Variants in GRID2 observed in about 807,000 individuals in gnomAD.
GRID2 encodes the protein glutamate ionotropic receptor delta type subunit 2, also known as glutamate receptor ionotropic, delta-2.
GRID2 carries 33 observed loss-of-function variants against 114.8 expected under a neutral mutation model. That is an observed-to-expected ratio of 0.29 (90% CI 0.22 to 0.38). The LOEUF is 0.38. Among genes scored for constraint, GRID2 ranks in the 10% least tolerant of loss-of-function variants. The pLI, the probability that GRID2 is intolerant of heterozygous loss-of-function variation, is 1.00. For synonymous variants in GRID2, 505 were observed against 449.9 expected (o/e 1.12, Z -1.55); for missense variants, 1,184 against 1,257.7 (o/e 0.94, Z 0.89).
chr4:92,514,047 A>G (rs1219175428), intron 1 of GRID2, among the ~76,000 whole-genome samples: 6 of 151,856 alleles, frequency 4.0e-5, no homozygotes, highest in African/African-American at 1.4e-4. Context: ...AGGACCAACA[A>G]TGGGCAGGCA....
In GRID2 at chr4:92,580,890, G is replaced by GT. The variant is rs1553903037; in HGVS notation, c.89-9226dup. Among the ~76,000 whole-genome samples, 279 of 113,202 alleles carry GT rather than the reference G, an allele frequency of 2.5e-3. 5 individuals carry two copies. The highest frequency in any genetic ancestry group is 0.016 in the East Asian group (60 of 3,750). The allele number at this position is 113,202 out of a possible 152,430, so 74.3% of individuals were successfully genotyped here. A position where few individuals can be genotyped will look rare whatever the true frequency, so the allele number is the denominator to read the frequency against. ...TACCTTATCAGCTTTTTGCCTATTT[G>GT]TTTTTTTTTTTTTTTAAATGCATCA... On this transcript the variant is annotated intron_variant, in intron 1 of 15. Coordinates refer to ENST00000282020, the MANE Select transcript of GRID2 (RefSeq NM_001510.4).
At chr4:93,325,590 A>T (rs1174485975) in intron 8 of GRID2, among the ~76,000 whole-genome samples, 1 of 151,962 alleles carries the variant, frequency 6.6e-6, no homozygotes, top group Non-Finnish European at 1.5e-5. Context: ...ATTAAACTAC[A>T]GTTTCTAATT....
At chr4:92,708,623 G>T (rs779595960) in intron 2 of GRID2, among the ~76,000 whole-genome samples, 3 of 152,096 alleles carry the variant, frequency 2.0e-5, no homozygotes, top group Non-Finnish European at 4.4e-5. Context: ...TATTGGTATT[G>T]GTTCTTCATT....
At chr4:93,042,459 C>T (rs1232671912) in intron 2 of GRID2, among the ~76,000 whole-genome samples, 1 of 147,914 alleles carries the variant, frequency 6.8e-6, no homozygotes, top group East Asian at 2.0e-4. Flanking sequence ...TGGAATACAG[C>T]AGGCTTTACT....
intron 14 of GRID2, among the ~76,000 whole-genome samples, chr4:93,722,490 C>T (rs79251274): frequency 0.042 from 6,406 of 152,254 alleles, 217 homozygotes; most frequent in African/African-American, 0.084. Flanking sequence ...AAACACATAT[C>T]TAGAATCAAG....
chr4:92,907,896 G>A (rs561507461), intron 2 of GRID2, among the ~76,000 whole-genome samples: 15 of 152,074 alleles, frequency 9.9e-5, no homozygotes, highest in South Asian at 8.3e-4. Context: ...GTTAGGGTGC[G>A]CTTACAATCC....
At chr4:92,543,542 A>G (rs991620878) in intron 1 of GRID2, among the ~76,000 whole-genome samples, 11 of 152,148 alleles carry the variant, frequency 7.2e-5, no homozygotes, top group Non-Finnish European at 1.5e-4. Context: ...ACTCCATCAA[A>G]TACTTTAGTT....
intron 1 of GRID2, among the ~76,000 whole-genome samples, chr4:93,797,086 A>G (rs1194773670): frequency 6.6e-6 from 1 of 152,210 alleles, no homozygotes; most frequent in Admixed American, 6.5e-5. Context: ...TTGAATGTTG[A>G]CAAAATGGCA....
At chr4:93,040,907 T>C (rs1439950002) in intron 2 of GRID2, among the ~76,000 whole-genome samples, 2 of 152,148 alleles carry the variant, frequency 1.3e-5, no homozygotes, top group African/African-American at 4.8e-5. Flanking sequence ...CATTCTATCT[T>C]TCTGGTTAAG....
intron 13 of GRID2, among the ~76,000 whole-genome samples, chr4:93,608,301 T>TTC (rs1560812355): frequency 1.4e-5 from 2 of 146,414 alleles, no homozygotes; most frequent in African/African-American, 5.1e-5. Context: ...TTTTTCTTTT[T>TTC]TTTTTTTTAA....
At chr4:92,674,330 C>G (rs1316198976) in intron 2 of GRID2, among the ~76,000 whole-genome samples, 2 of 151,766 alleles carry the variant, frequency 1.3e-5, no homozygotes, top group South Asian at 4.2e-4. Context: ...TTATTTTTTT[C>G]CTTTCTATAC....
chr4:92,561,746 G>A (rs1450501), intron 1 of GRID2, among the ~76,000 whole-genome samples: 143 of 152,194 alleles, frequency 9.4e-4, no homozygotes, highest in African/African-American at 3.1e-3. Context: ...TTGAATGCCC[G>A]ATGTCATTAT....
intron 2 of GRID2, among the ~76,000 whole-genome samples, chr4:92,828,601 T>C (rs1029187651): frequency 1.3e-5 from 2 of 152,120 alleles, no homozygotes; most frequent in Non-Finnish European, 2.9e-5. Flanking sequence ...TGGTTATAAA[T>C]GCCCTACATT....
intron 1 of GRID2, among the ~76,000 whole-genome samples, chr4:92,385,344 AT>A (rs1168909351): frequency 6.6e-6 from 1 of 151,774 alleles, no homozygotes; most frequent in African/African-American, 2.4e-5. Context: ...ATTATTTGCT[AT>A]TTTCAAAAAC....
chr4:93,768,850 T>C (rs886889841), intron 14 of GRID2, among the ~76,000 whole-genome samples: 2 of 152,028 alleles, frequency 1.3e-5, no homozygotes, highest in Non-Finnish European at 2.9e-5. Flanking sequence ...CTTGAAAGCA[T>C]ATAAAAACAG....
chr4:93,293,827 G>A (rs72874930), intron 8 of GRID2, among the ~76,000 whole-genome samples: 8,320 of 152,046 alleles, frequency 0.055, 759 homozygotes, highest in African/African-American at 0.19. Flanking sequence ...TATTTATTGC[G>A]TGCCTACTAT....
intron 2 of GRID2, among the ~76,000 whole-genome samples, chr4:92,663,842 C>G (rs1732639809): frequency 6.6e-6 from 1 of 151,102 alleles, no homozygotes; most frequent in Admixed American, 6.6e-5. Context: ...TCCTTTCTGA[C>G]ATTATAATTT....
chr4:93,744,374 A>T (rs1731669962), intron 14 of GRID2, among the ~76,000 whole-genome samples: 1 of 152,218 alleles, frequency 6.6e-6, no homozygotes. Context: ...TATACACCAT[A>T]ATCTTCAGGA....
intron 1 of GRID2, among the ~76,000 whole-genome samples, chr4:92,436,228 TA>T (rs1417908731): frequency 6.6e-6 from 1 of 152,162 alleles, no homozygotes; most frequent in Admixed American, 6.6e-5. Context: ...CATCATTATT[TA>T]AAACACCTTT....
Sources: allele counts gnomAD v4.1 joint callset (sites outside exome capture counted in the v4.1 genomes callset), GRCh38; gene constraint gnomAD v4.1.1; transcripts MANE v1.5; gene names NCBI Gene and HGNC (gene_info 2026-07-23, HGNC 2026-07-21).